INPP5D: variants seen among roughly 807,000 people sequenced by gnomAD.
INPP5D encodes the protein phosphatidylinositol 3,4,5-trisphosphate 5-phosphatase 1.
Under a neutral mutation model 122.9 loss-of-function variants are expected in INPP5D, and 33 were observed. That is an observed-to-expected ratio of 0.27 (90% CI 0.20 to 0.36). The LOEUF is 0.36. Ranked by LOEUF, INPP5D falls within the 10% of genes least tolerant of loss-of-function variation. The probability of loss-of-function intolerance (pLI) is 1.00; values close to 1 mark genes in which losing one functional copy is unlikely to be tolerated. For missense variants in INPP5D, 1,053 were observed against 1,412.7 expected, an observed-to-expected ratio of 0.75 and a Z score of 4.08; for synonymous variants, 584 against 576.2, an observed-to-expected ratio of 1.01 and a Z score of -0.19.
intron 2 of INPP5D, among the ~76,000 whole-genome samples, chr2:233,111,914 T>G (rs1278461262): frequency 6.6e-6 from 1 of 150,832 alleles, no homozygotes; most frequent in Non-Finnish European, 1.5e-5. Flanking sequence ...TACAAAAAAT[T>G]TAGCCAAACG....
Position 233,125,912 on chromosome 2 carries a change from A to T in INPP5D, c.517A>T (p.Thr173Ser). 1.2e-6 allele frequency: 2 copies of T among 1,613,344 alleles called. No individual in the cohort carries two copies. The highest frequency in any genetic ancestry group is 1.7e-6 in the Non-Finnish European group (2 of 1,179,622). ...GTTCCAGCGACTGCAAAGCATGGACACCAGTGGGTGAGTCCCCACTCAAGT... is the reference window on the plus strand; with the variant it reads ...GTTCCAGCGACTGCAAAGCATGGACTCCAGTGGGTGAGTCCCCACTCAAGT... ...TLFQRLQSMD[T>S]SGLPEEHLKA... Residue 173 changes from threonine (T) to serine (S), a missense_variant, in exon 4 of 27, where the codon ACC (threonine) becomes TCC (serine). By Grantham distance (58) the Thr-to-Ser change is moderately conservative. Around this residue, in one of 6 missense-constraint regions of INPP5D, gnomAD observed 196 missense variants for 175.6 expected, o/e 1.12. Transcript: ENST00000445964.
In INPP5D at chr2:233,105,006, C is replaced by T. The variant is rs1236527170; in HGVS notation, c.199-17101C>T. Among the ~76,000 whole-genome samples the T allele has an allele frequency of 6.6e-6, 1 of 152,144 alleles. No homozygotes were observed. Among genetic ancestry groups the T allele is most frequent in the Non-Finnish European group, 1.5e-5 (1 of 68,024 alleles). ...CCTCCAAATTTGTCCCACAGGGAGGCAAGAAACTGGGCTTTTGCACATGTA... is the reference window on the plus strand; with the variant it reads ...CCTCCAAATTTGTCCCACAGGGAGGTAAGAAACTGGGCTTTTGCACATGTA... On this transcript the variant is annotated intron_variant, in intron 2 of 26. Coordinates refer to ENST00000445964, the MANE Select transcript of INPP5D (RefSeq NM_001017915.3). This position sits in a 1 kb window ranked among gnomAD's most constrained non-coding sequence, Gnocchi z 4.0.
chr2:233,169,442 G>C, intron 14 of INPP5D, 41 bp downstream of exon 14: 1 of 1,559,052 alleles, frequency 6.4e-7, no homozygotes, highest in South Asian at 1.2e-5. Context: ...CATTTGGGCT[G>C]TCTGCCCAGA....
At chr2:233,167,646 C>T (rs561416631) in intron 13 of INPP5D, among the ~76,000 whole-genome samples, 9 of 152,158 alleles carry the variant, frequency 5.9e-5, no homozygotes, top group East Asian at 3.9e-4. Context: ...TGGGTCCTGA[C>T]AAGGTTGAGC....
intron 25 of INPP5D, among the ~76,000 whole-genome samples, chr2:233,200,389 C>T (rs1695300903): frequency 1.3e-5 from 2 of 152,264 alleles, no homozygotes; most frequent in African/African-American, 2.4e-5. Context: ...AGCTTGAGCA[C>T]TGTCTTCCCT....
In INPP5D at chr2:233,128,265, G is replaced by C. The variant is rs930495572; in HGVS notation, c.525-2243G>C. ...ACAACCATCCCCCCACCACCCATCCGTGGAATAATTGTCTTCCACAAAACC... is the reference window on the plus strand; with the variant it reads ...ACAACCATCCCCCCACCACCCATCCCTGGAATAATTGTCTTCCACAAAACC... On this transcript the variant is annotated intron_variant, in intron 4 of 26. Transcript: ENST00000445964. The surrounding 1 kb of genome is among the most constrained non-coding windows in gnomAD (Gnocchi z 4.5). 6.6e-6 allele frequency among the ~76,000 whole-genome samples: 1 copy of C among 152,132 alleles called. No homozygotes were observed. Among genetic ancestry groups the C allele is most frequent in the Non-Finnish European group, 1.5e-5 (1 of 68,018 alleles).
intron 5 of INPP5D, among the ~76,000 whole-genome samples, chr2:233,139,466 C>CTGTGTGTGTGTGTGTGTGTGTGTGTG (rs1191977468): frequency 6.8e-6 from 1 of 147,440 alleles, no homozygotes; most frequent in African/African-American, 2.5e-5. Context: ...TTGTTAACAC[C>CTGTGTGTGTGTGTGTGTGTGTGTGTG]TGTGTGTGTG....
At chr2:233,097,126 T>A (rs1692165454) in intron 2 of INPP5D, among the ~76,000 whole-genome samples, 6 of 152,226 alleles carry the variant, frequency 3.9e-5, no homozygotes, top group Non-Finnish European at 1.5e-5. Flanking sequence ...TGATTCACAA[T>A]GCCATTATAT....
intron 6 of INPP5D, among the ~76,000 whole-genome samples, chr2:233,142,440 G>C (rs987780107): frequency 5.3e-5 from 8 of 152,246 alleles, no homozygotes; most frequent in African/African-American, 1.9e-4. Context: ...ATCTCTGCAG[G>C]GTTTGGTTAA....
chr2:233,125,689 A>G (rs1255432407), intron 3 of INPP5D, 56 bp from the exon 4 acceptor site: 6 of 1,524,600 alleles, frequency 3.9e-6, no homozygotes, highest in Non-Finnish European at 3.6e-6. Flanking sequence ...GCTGCGGTGA[A>G]GGCCGGGTTG....
intron 9 of INPP5D, 121 bp downstream of exon 9, chr2:233,147,715 C>G: frequency 1.6e-6 from 1 of 630,340 alleles, no homozygotes; most frequent in Non-Finnish European, 2.9e-6. Flanking sequence ...TGCGCGCCTG[C>G]GCTCATGCTT....
intron 6 of INPP5D, among the ~76,000 whole-genome samples, chr2:233,144,023 T>G (rs1163477592): frequency 7.1e-6 from 1 of 139,920 alleles, no homozygotes. Flanking sequence ...GTGAGAGTGG[T>G]AGGGGTGGAG....
At chr2:233,130,711 T>G in intron 5 of INPP5D, 63 bp downstream of exon 5, 2 of 1,566,892 alleles carry the variant, frequency 1.3e-6, no homozygotes, top group South Asian at 2.2e-5. Flanking sequence ...AAACAGCTCA[T>G]GAGAGCGACC....
At chr2:233,141,590 GAAAAAGAA>G (rs1173045456) in intron 6 of INPP5D, 1 of 151,912 alleles carries the variant, frequency 6.6e-6, no homozygotes, top group African/African-American at 2.4e-5. Flanking sequence ...AAAAAAAAAG[GAAAAAGAA>G]AAAAAGAAAA....
intron 9 of INPP5D, among the ~76,000 whole-genome samples, chr2:233,152,731 G>A (rs1015474190): frequency 3.3e-5 from 5 of 152,186 alleles, no homozygotes; most frequent in Non-Finnish European, 7.3e-5. Flanking sequence ...TATGGCGTGT[G>A]AGACGGCTGG....
chr2:233,190,364 G>C (rs1400182616), intron 22 of INPP5D, among the ~76,000 whole-genome samples: 2 of 152,176 alleles, frequency 1.3e-5, no homozygotes, highest in Non-Finnish European at 2.9e-5. Flanking sequence ...TCCTGAGTCA[G>C]CCTTCTCAGC....
chr2:233,100,456 A>G lies in INPP5D; in HGVS notation c.198+21058A>G, dbSNP rs1333908602. Among the ~76,000 whole-genome samples the G allele has an allele frequency of 3.9e-5, 6 of 152,008 alleles. No individual in the cohort carries two copies. The highest frequency in any genetic ancestry group is 3.9e-4 in the Admixed American group (6 of 15,254). ...TCATCTAGCCTCTTGCCTGGGGTGG[A>G]CGTCAAGCTCACTACACTGTAAACT... On this transcript the variant is annotated intron_variant, in intron 2 of 26. Transcript: ENST00000445964. This position sits in a 1 kb window ranked among gnomAD's most constrained non-coding sequence, Gnocchi z 5.3.
rs546215336 is a variant in INPP5D at position 233,170,905 on chromosome 2, CA to C, written c.1901-140del. Among the ~76,000 whole-genome samples, 60,830 of 109,444 alleles carry C rather than the reference CA, an allele frequency of 0.56. 17,052 individuals are homozygous for C. The highest frequency in any genetic ancestry group is 0.65 in the Non-Finnish European group (35,056 of 54,192). The allele number at this position is 109,444 out of a possible 152,430, so 71.8% of individuals were successfully genotyped here. On this transcript the variant is annotated intron_variant, in intron 16 of 26. Coordinates refer to ENST00000445964, the MANE Select transcript of INPP5D (RefSeq NM_001017915.3). This position sits in a 1 kb window ranked among gnomAD's most constrained non-coding sequence, Gnocchi z 4.5. Reference sequence around the variant, plus strand: ...TGGCCAACAAAGACAGACTCCGTCTCAAAAAAAAAAAAAAAAAAAGCAGCAG... The same window carrying C: ...TGGCCAACAAAGACAGACTCCGTCTCAAAAAAAAAAAAAAAAAAGCAGCAG...
At chr2:233,156,677 TCC>T (rs1694061505) in intron 9 of INPP5D, among the ~76,000 whole-genome samples, 1 of 152,032 alleles carries the variant, frequency 6.6e-6, no homozygotes, top group Non-Finnish European at 1.5e-5. Flanking sequence ...ACTTCCCTCC[TCC>T]CCCAGTGAGG....
Sources: allele counts gnomAD v4.1 joint callset (sites outside exome capture counted in the v4.1 genomes callset), GRCh38; gene constraint gnomAD v4.1.1; regional missense constraint gnomAD v4.1.1; non-coding constraint Gnocchi (gnomAD v3.1); transcripts MANE v1.5; gene names NCBI Gene and HGNC (gene_info 2026-07-23, HGNC 2026-07-21).